The following DAW1 variants were observed in gnomAD, a reference collection of about 807,000 sequenced individuals.
DAW1 encodes the protein dynein assembly factor with WD repeat domains 1.
A neutral mutation model predicts 56.5 loss-of-function variants in DAW1; 47 were observed. That is an observed-to-expected ratio of 0.83 (90% CI 0.66 to 1.06). DAW1 has a LOEUF of 1.06. Ranked by LOEUF, DAW1 falls within the 50% of genes least tolerant of loss-of-function variation. The probability of loss-of-function intolerance (pLI) is 0.00; values close to 1 mark genes in which losing one functional copy is unlikely to be tolerated. For synonymous variants in DAW1, 190 were observed against 179.0 expected (o/e 1.06, Z -0.49); for missense variants, 505 against 499.3 (o/e 1.01, Z -0.11).
intron 10 of DAW1, among the ~76,000 whole-genome samples, chr2:227,910,692 A>G (rs938452674): frequency 6.6e-6 from 1 of 152,164 alleles, no homozygotes; most frequent in African/African-American, 2.4e-5. Flanking sequence ...CATTTATTAC[A>G]CTAGGCTACA....
At chr2:227,879,133 A>T (rs1365893467) in intron 1 of DAW1, among the ~76,000 whole-genome samples, 1 of 152,182 alleles carries the variant, frequency 6.6e-6, no homozygotes, top group African/African-American at 2.4e-5. Flanking sequence ...AATGAAAAAT[A>T]CATCAAGGAA....
At chr2:227,904,540 G>A (rs1691631945) in intron 7 of DAW1, among the ~76,000 whole-genome samples, 1 of 152,114 alleles carries the variant, frequency 6.6e-6, no homozygotes, top group African/African-American at 2.4e-5. Context: ...TGCATACCAT[G>A]TGTTATTAGC....
chr2:227,875,636 G>A (rs532481224), intron 1 of DAW1, among the ~76,000 whole-genome samples: 1 of 152,320 alleles, frequency 6.6e-6, no homozygotes, highest in South Asian at 2.1e-4. Context: ...TCAAAATTGT[G>A]TAAAGTGAAG....
chr2:227,874,016 G>T (rs10933221), intron 1 of DAW1, among the ~76,000 whole-genome samples: 73,139 of 152,092 alleles, frequency 0.48, 17,791 homozygotes, highest in Admixed American at 0.58. Context: ...GGCATAGGTA[G>T]ATAGTATATA....
At chr2:227,883,833 A>G (rs1252275792) in intron 1 of DAW1, among the ~76,000 whole-genome samples, 1 of 152,246 alleles carries the variant, frequency 6.6e-6, no homozygotes, top group African/African-American at 2.4e-5. Context: ...TATAAAAATA[A>G]CATGCTATGA....
intron 7 of DAW1, 33 bp from the exon 8 acceptor site, chr2:227,904,896 A>C (rs1426142311): frequency 6.4e-7 from 1 of 1,554,308 alleles, no homozygotes; most frequent in Non-Finnish European, 8.9e-7. Context: ...TTTTATCTGC[A>C]GGTATACTTG....
chr2:227,892,379 C>T (rs891875243), intron 4 of DAW1, among the ~76,000 whole-genome samples: 2 of 152,110 alleles, frequency 1.3e-5, no homozygotes, highest in African/African-American at 2.4e-5. Context: ...GGTGATCTGC[C>T]CAACTTGGCC....
Position 227,906,338 on chromosome 2 carries a change from G to A in DAW1, c.858G>A (p.Lys286=), listed in dbSNP as rs889382450. The change falls in exon 9 of 13, where the codon AAG becomes AAA. Residue 286 remains lysine, a splice_region_variant and synonymous_variant. Transcript: ENST00000309931. ...ILTGSMDKTC[K]LWDATNGKCV... ...CTGGCTCTATGGACAAAACCTGCAA[G>A]GTGAGCAAAATAAATAAATATCTTT... 6.2e-7 allele frequency: 1 copy of A among 1,602,712 alleles called. No homozygotes were observed. Among genetic ancestry groups the A allele is most frequent in the African/African-American group, 1.3e-5 (1 of 74,780 alleles).
chr2:227,908,787 T>C (rs1403270385), intron 10 of DAW1, among the ~76,000 whole-genome samples: 1 of 152,224 alleles, frequency 6.6e-6, no homozygotes, highest in Non-Finnish European at 1.5e-5. Context: ...GCATATGTGA[T>C]GCTATACTAA....
In DAW1 at chr2:227,907,125, C is replaced by G; in HGVS notation, c.859-13C>G. On this transcript the variant is annotated splice_polypyrimidine_tract_variant and intron_variant, in intron 9 of 12. Transcript: ENST00000309931. ...AGTCTTTTTTTTTTTGTTTTTTGTT[C>G]TTTTAATTGTAGCTGTGGGATGCTA... The G allele has an allele frequency of 1.3e-6, 2 of 1,535,550 alleles. No homozygotes were observed. The highest frequency in any genetic ancestry group is 1.4e-5 in the African/African-American group (1 of 69,198).
intron 1 of DAW1, 71 bp from the exon 2 acceptor site, chr2:227,885,280 G>T: frequency 9.3e-7 from 1 of 1,075,082 alleles, no homozygotes; most frequent in Non-Finnish European, 1.3e-6. Flanking sequence ...AAAAACTGTG[G>T]CAAGGTAGGT....
intron 12 of DAW1, among the ~76,000 whole-genome samples, chr2:227,922,483 T>G (rs1232255361): frequency 2.6e-5 from 4 of 152,180 alleles, no homozygotes; most frequent in Admixed American, 6.5e-5. Context: ...GGTGCCACAA[T>G]AGTGTGGAGT....
At chr2:227,897,545 A>G (rs1163418838) in intron 5 of DAW1, among the ~76,000 whole-genome samples, 1 of 152,232 alleles carries the variant, frequency 6.6e-6, no homozygotes, top group Non-Finnish European at 1.5e-5. Flanking sequence ...GAAAGGTTTT[A>G]GTTCCAAGAT....
intron 10 of DAW1, among the ~76,000 whole-genome samples, chr2:227,908,712 C>T (rs1452622186): frequency 1.3e-5 from 2 of 152,196 alleles, no homozygotes; most frequent in African/African-American, 4.8e-5. Flanking sequence ...ACTATGTCTA[C>T]ACCATATCCT....
chr2:227,893,242 CCTGGGTG>C (rs1479849746), intron 4 of DAW1, among the ~76,000 whole-genome samples: 2 of 149,144 alleles, frequency 1.3e-5, no homozygotes, highest in African/African-American at 4.9e-5. Context: ...TGCACTCCAG[CCTGGGTG>C]ACAGAGCAAG....
intron 12 of DAW1, 38 bp downstream of exon 12, chr2:227,921,599 T>G: frequency 2.5e-6 from 4 of 1,583,148 alleles, no homozygotes; most frequent in Non-Finnish European, 3.4e-6. Flanking sequence ...CATTTTTTCT[T>G]GATTGGCTGT....
chr2:227,912,958 T>G lies in DAW1; in HGVS notation c.973+5706T>G, dbSNP rs149461427. Among the ~76,000 whole-genome samples, 905 of 152,356 alleles carry G rather than the reference T, an allele frequency of 5.9e-3. 33 individuals carry two copies. Among genetic ancestry groups the G allele is most frequent in the Non-Finnish European group, 1.2e-3 (82 of 68,038 alleles). ...TGATGCCCCATCCTTGACAGCTATA[T>G]GTTGTACAATATTATCACTGCTTAT... On this transcript the variant is annotated intron_variant, in intron 10 of 12. Coordinates refer to ENST00000309931, the MANE Select transcript of DAW1 (RefSeq NM_178821.3).
At chr2:227,906,452 A>AT in intron 9 of DAW1, 114 bp downstream of exon 9, 1 of 778,604 alleles carries the variant, frequency 1.3e-6, no homozygotes, top group Non-Finnish European at 1.8e-6. Flanking sequence ...TAAGATATTA[A>AT]TTTACAAAAA....
intron 10 of DAW1, among the ~76,000 whole-genome samples, chr2:227,910,424 A>C (rs1691787111): frequency 1.3e-5 from 2 of 151,712 alleles, no homozygotes; most frequent in Non-Finnish European, 2.9e-5. Context: ...GCGAACTATG[A>C]TTATGCCACT....
Sources: gnomAD v4.1 joint callset for allele counts (sites outside exome capture counted in the v4.1 genomes callset) on GRCh38, gnomAD v4.1.1 for gene constraint, MANE v1.5 for transcripts, NCBI Gene and HGNC (gene_info 2026-07-23, HGNC 2026-07-21) for gene names.